PTPRG: variants seen among roughly 807,000 people sequenced by gnomAD.
PTPRG encodes protein tyrosine phosphatase receptor type G.
Under a neutral mutation model 165.3 loss-of-function variants are expected in PTPRG, and 102 were observed. The ratio of observed to expected loss-of-function variants is 0.62; its 90% CI spans 0.53 to 0.73. PTPRG has a LOEUF of 0.73. PTPRG is among the 30% of genes least tolerant of loss of function. The pLI, the probability that PTPRG is intolerant of heterozygous loss-of-function variation, is 0.00. For missense variants in PTPRG, 1,866 were observed against 1,861.4 expected (o/e 1.00, Z -0.05); for synonymous variants, 675 against 669.5 (o/e 1.01, Z -0.13).
chr3:61,988,072 G>C (rs953227646), intron 2 of PTPRG, among the ~76,000 whole-genome samples: 4 of 152,100 alleles, frequency 2.6e-5, no homozygotes, highest in African/African-American at 9.7e-5. Context: ...ATAGTAGCGC[G>C]ACACTTATAA....
intron 5 of PTPRG, among the ~76,000 whole-genome samples, chr3:62,094,688 C>G (rs1283635866): frequency 2.0e-5 from 3 of 152,248 alleles, no homozygotes; most frequent in Non-Finnish European, 2.9e-5. Flanking sequence ...CAGTTCTCTT[C>G]TAGTCCAACG....
intron 1 of PTPRG, chr3:61,659,185 C>A (rs1702594390): frequency 3.9e-6 from 2 of 510,340 alleles, no homozygotes; most frequent in Non-Finnish European, 5.1e-6. Context: ...GAACATCAGA[C>A]AGGATGCTGA....
chr3:61,869,951 A>T (rs902282884), intron 2 of PTPRG, among the ~76,000 whole-genome samples: 1 of 151,452 alleles, frequency 6.6e-6, no homozygotes, highest in African/African-American at 2.4e-5. Context: ...TTGTGATTCG[A>T]CTCTCATCCT....
chr3:61,955,717 C>G (rs1378480604), intron 2 of PTPRG, among the ~76,000 whole-genome samples: 3 of 152,044 alleles, frequency 2.0e-5, no homozygotes, highest in Admixed American at 2.0e-4. Flanking sequence ...CTGTGTTACT[C>G]TAGGGAGTTA....
Position 62,203,295 on chromosome 3 carries a change from C to T in PTPRG, c.1500C>T (p.Ser500=). The part of the protein sequence containing the change: ...VSMATGMGPS[S]SGSQATVASV... ...TGGCAACTGGGATGGGCCCCTCCTC[C>T]AGTGGCAGCCAGGCCACAGTGGCCT... Residue 500 remains serine (S), a synonymous_variant, in exon 12 of 30, where the codon TCC becomes TCT. Transcript: ENST00000474889. The surrounding 1 kb of genome is among the most constrained non-coding windows in gnomAD (Gnocchi z 6.4). The T allele has an allele frequency of 1.2e-6, 2 of 1,613,914 alleles. No homozygotes were observed. The highest frequency in any genetic ancestry group is 1.1e-5 in the South Asian group (1 of 91,066).
At chr3:61,673,062 A>T (rs896576071) in intron 1 of PTPRG, among the ~76,000 whole-genome samples, 1 of 151,996 alleles carries the variant, frequency 6.6e-6, no homozygotes, top group African/African-American at 2.4e-5. Context: ...GGAGAGACTG[A>T]GGTGGAGTGT....
At chr3:61,747,411 T>A (rs1380906459) in intron 1 of PTPRG, among the ~76,000 whole-genome samples, 1 of 152,194 alleles carries the variant, frequency 6.6e-6, no homozygotes. Context: ...ACCTTGTACT[T>A]GAAAAATGAG....
chr3:61,936,941 A>G (rs2039497125), intron 2 of PTPRG, among the ~76,000 whole-genome samples: 2 of 152,256 alleles, frequency 1.3e-5, no homozygotes, highest in Admixed American at 1.3e-4. Context: ...AGAAGTTCAC[A>G]CAAGTGATGT....
intron 2 of PTPRG, among the ~76,000 whole-genome samples, chr3:61,962,924 A>G (rs1352063763): frequency 2.0e-5 from 3 of 152,220 alleles, no homozygotes; most frequent in East Asian, 3.8e-4. Flanking sequence ...TTAAAAATAG[A>G]TAATACATGT....
intron 1 of PTPRG, among the ~76,000 whole-genome samples, chr3:61,723,666 C>T (rs1233702063): frequency 6.6e-6 from 1 of 152,118 alleles, no homozygotes; most frequent in Non-Finnish European, 1.5e-5. Flanking sequence ...CATATACCCC[C>T]TTTTTTTGTT....
At position 62,203,156 on chromosome 3, in the gene PTPRG, C is replaced by T. The variant is rs568361418; in HGVS notation, c.1378-17C>T. ...TCTTCTGCCTCTTTTCCACCCTTGCCGGGTGACCCTTTCCAGCCCACAGCG... is the reference window on the plus strand; with the variant it reads ...TCTTCTGCCTCTTTTCCACCCTTGCTGGGTGACCCTTTCCAGCCCACAGCG... On this transcript the variant is annotated splice_polypyrimidine_tract_variant and intron_variant, in intron 11 of 29. Coordinates refer to ENST00000474889, the MANE Select transcript of PTPRG (RefSeq NM_002841.4). The surrounding 1 kb of genome is among the most constrained non-coding windows in gnomAD (Gnocchi z 6.4). The T allele has an allele frequency of 4.9e-5, 76 of 1,553,334 alleles. No individual in the cohort carries two copies. Among genetic ancestry groups the T allele is most frequent in the African/African-American group, 6.9e-5 (5 of 72,888 alleles).
At chr3:62,238,507 C>G (rs1559692235) in intron 14 of PTPRG, among the ~76,000 whole-genome samples, 1 of 152,034 alleles carries the variant, frequency 6.6e-6, no homozygotes. Flanking sequence ...ATTTTCCTAC[C>G]AGACAAGTAT....
intron 4 of PTPRG, among the ~76,000 whole-genome samples, chr3:62,058,131 T>C (rs1051654894): frequency 1.3e-5 from 2 of 152,142 alleles, no homozygotes; most frequent in Non-Finnish European, 2.9e-5. Context: ...TCCCCATGGA[T>C]CCAGCCTTAT....
rs1274998054 is a variant in PTPRG, at chr3:61,605,395, ACAG to A, written c.85+43024_85+43026del. Among the ~76,000 whole-genome samples the A allele has an allele frequency of 2.6e-5, 4 of 151,958 alleles. No homozygotes were observed. In the East Asian group the frequency reaches 7.8e-4, roughly 30 times the overall value. ...CTCAGCCTCCTGAGTAGCTGGGATT[ACAG>A]GTGCACACCACCACACCCAGCTAAT... On this transcript the variant is annotated intron_variant, in intron 1 of 29. Transcript: ENST00000474889.
chr3:62,018,388 C>G (rs774051425), intron 4 of PTPRG, among the ~76,000 whole-genome samples: 3 of 152,204 alleles, frequency 2.0e-5, no homozygotes, highest in African/African-American at 7.2e-5. Flanking sequence ...CTCCATTGTG[C>G]TCAATCTCAC....
chr3:62,167,869 C>A, intron 7 of PTPRG, 102 bp from the exon 8 acceptor site: 1 of 1,223,744 alleles, frequency 8.2e-7, no homozygotes, highest in Non-Finnish European at 1.2e-6. Context: ...GTTTCATGCT[C>A]TTATCACCTT....
Position 61,756,408 on chromosome 3 carries a change from T to C in PTPRG, c.190+7426T>C, listed in dbSNP as rs757473425. 3.9e-5 allele frequency among the ~76,000 whole-genome samples: 6 copies of C among 152,356 alleles called. No homozygotes were observed. The South Asian group carries it at 8.3e-4, about 21-fold the overall frequency. On this transcript the variant is annotated intron_variant, in intron 2 of 29. Transcript: ENST00000474889. ...TAGATGGTGTAAGAAAAAACACATA[T>C]GGTCACACACTAATCAGAACTTTAT...
chr3:62,244,633 T>C (rs1359671061), intron 15 of PTPRG, among the ~76,000 whole-genome samples: 1 of 152,174 alleles, frequency 6.6e-6, no homozygotes, highest in African/African-American at 2.4e-5. Context: ...ACTTTGATTA[T>C]AATGCCACCC....
At chr3:61,736,337 G>T (rs1321850201) in intron 1 of PTPRG, among the ~76,000 whole-genome samples, 4 of 151,610 alleles carry the variant, frequency 2.6e-5, no homozygotes, top group Non-Finnish European at 5.9e-5. Context: ...ATTATCAAGG[G>T]TGTAATTTTA....
Sources: allele counts gnomAD v4.1 joint callset (sites outside exome capture counted in the v4.1 genomes callset), GRCh38; gene constraint gnomAD v4.1.1; non-coding constraint Gnocchi (gnomAD v3.1); transcripts MANE v1.5; gene names NCBI Gene and HGNC (gene_info 2026-07-23, HGNC 2026-07-21).